Variants in TACR3 observed in about 807,000 individuals in gnomAD.
The protein encoded by TACR3 is tachykinin receptor 3.
A neutral mutation model predicts 35.0 loss-of-function variants in TACR3; 34 were observed. The ratio of observed to expected loss-of-function variants is 0.97; its 90% CI spans 0.74 to 1.30. The LOEUF (loss-of-function observed/expected upper bound fraction) is 1.30, where lower values mean the gene tolerates loss of function less well. Among genes scored for constraint, TACR3 ranks in the 50% most tolerant of loss-of-function variants. The pLI, the probability that TACR3 is intolerant of heterozygous loss-of-function variation, is 0.00. For missense variants in TACR3, 558 were observed against 591.7 expected, an observed-to-expected ratio of 0.94 and a Z score of 0.59; for synonymous variants, 233 against 221.1, an observed-to-expected ratio of 1.05 and a Z score of -0.48.
chr4:103,641,679 A>C (rs1323466021), intron 3 of TACR3, among the ~76,000 whole-genome samples: 1 of 151,994 alleles, frequency 6.6e-6, no homozygotes. Flanking sequence ...TGCAATTCCC[A>C]GTTTATTGCA....
intron 1 of TACR3, among the ~76,000 whole-genome samples, chr4:103,673,358 C>T (rs1234113655): frequency 1.3e-5 from 2 of 152,138 alleles, no homozygotes; most frequent in Non-Finnish European, 2.9e-5. Context: ...CATTGTGACT[C>T]TTTCATTTCA....
chr4:103,651,243 A>G (rs1431623472), intron 3 of TACR3, among the ~76,000 whole-genome samples: 1 of 151,134 alleles, frequency 6.6e-6, no homozygotes, highest in Admixed American at 6.6e-5. Context: ...CAAGAGTCAA[A>G]AACCTTAGAA....
At chr4:103,607,579 T>C (rs958127395) in intron 3 of TACR3, among the ~76,000 whole-genome samples, 4 of 152,256 alleles carry the variant, frequency 2.6e-5, no homozygotes, top group South Asian at 4.1e-4. Context: ...TTGAGCCATG[T>C]GATAATATAG....
chr4:103,622,597 C>T (rs531734646), intron 3 of TACR3, among the ~76,000 whole-genome samples: 2 of 152,186 alleles, frequency 1.3e-5, no homozygotes, highest in Admixed American at 6.5e-5. Context: ...GGCGTGGCAG[C>T]GTGTGCCTGT....
intron 3 of TACR3, among the ~76,000 whole-genome samples, chr4:103,635,186 A>C (rs1169456261): frequency 3.3e-5 from 5 of 152,008 alleles, no homozygotes; most frequent in Non-Finnish European, 7.4e-5. Context: ...AGTATGATTT[A>C]ATACTCTCAG....
chr4:103,640,227 C>T lies in TACR3; in HGVS notation c.888+15967G>A, dbSNP rs557909681. On this transcript the variant is annotated intron_variant, in intron 3 of 4. Coordinates refer to ENST00000304883, the MANE Select transcript of TACR3 (RefSeq NM_001059.3). ...TCTGACTCTGTAGTTTATGTTTGTC[C>T]CCATTATAAAATATTGCAAAGATAT... Among the ~76,000 whole-genome samples the T allele has an allele frequency of 3.3e-5, 5 of 152,018 alleles. No individual in the cohort carries two copies. The South Asian group carries it at 8.3e-4, about 25-fold the overall frequency.
chr4:103,623,979 C>T (rs72673105), intron 3 of TACR3, among the ~76,000 whole-genome samples: 3,930 of 152,228 alleles, frequency 0.026, 76 homozygotes, highest in Middle Eastern at 0.054. Context: ...TCTAGGTTAA[C>T]TGTGGCATAT....
intron 3 of TACR3, among the ~76,000 whole-genome samples, chr4:103,608,541 G>A (rs73835384): frequency 0.011 from 1,690 of 152,034 alleles, 35 homozygotes; most frequent in African/African-American, 0.039. Context: ...CATGTACCCC[G>A]TGAATCTGAA....
intron 1 of TACR3, among the ~76,000 whole-genome samples, chr4:103,693,606 A>G (rs1044268494): frequency 4.6e-5 from 7 of 152,040 alleles, no homozygotes; most frequent in Non-Finnish European, 8.8e-5. Context: ...CATCTTTTGC[A>G]TATTTGTATT....
In TACR3 at chr4:103,586,109, G is replaced by A. The variant is rs1026777475; in HGVS notation, c.*3573C>T. 6.6e-6 allele frequency: 1 copy of A among 151,114 alleles called. No homozygotes were observed. The highest frequency in any genetic ancestry group is 1.5e-5 in the Non-Finnish European group (1 of 67,816). The allele number at this position is 151,114 out of a possible 1,614,324, so 9.4% of individuals were successfully genotyped here. ...CTGTCACATTATCACATATGCAAAG[G>A]GTGTAAATACATTAAACATATTCAA... On this transcript the variant is annotated 3_prime_UTR_variant, in exon 5 of 5. Coordinates refer to ENST00000304883, the MANE Select transcript of TACR3 (RefSeq NM_001059.3).
intron 3 of TACR3, among the ~76,000 whole-genome samples, chr4:103,655,724 G>A (rs1310789167): frequency 1.3e-5 from 2 of 151,870 alleles, no homozygotes; most frequent in Non-Finnish European, 2.9e-5. Context: ...AAGTGAGAGA[G>A]AAATAAAAAG....
intron 1 of TACR3, among the ~76,000 whole-genome samples, chr4:103,664,446 T>G (rs3796956): frequency 0.42 from 64,631 of 152,082 alleles, 16,310 homozygotes; most frequent in African/African-American, 0.72. Context: ...TTCAAGTTTT[T>G]CAATGAAGAC....
intron 1 of TACR3, among the ~76,000 whole-genome samples, chr4:103,710,374 C>T (rs1019616103): frequency 6.6e-6 from 1 of 152,106 alleles, no homozygotes; most frequent in African/African-American, 2.4e-5. Context: ...TGCTCAAGTG[C>T]ATGGAAACTG....
At chr4:103,695,711 C>CTCTGTGTGTGTGTG (rs142176586) in intron 1 of TACR3, among the ~76,000 whole-genome samples, 6 of 146,094 alleles carry the variant, frequency 4.1e-5, no homozygotes, top group African/African-American at 1.5e-4. Context: ...GTCTCTCTCT[C>CTCTGTGTGTGTGTG]TGTGTGTGTG....
intron 3 of TACR3, among the ~76,000 whole-genome samples, chr4:103,629,169 C>G (rs1045592096): frequency 6.6e-6 from 1 of 152,054 alleles, no homozygotes; most frequent in African/African-American, 2.4e-5. Flanking sequence ...TATGACAAAC[C>G]CACAGCCAAT....
intron 1 of TACR3, among the ~76,000 whole-genome samples, chr4:103,697,425 T>C (rs1311512901): frequency 6.6e-6 from 1 of 151,154 alleles, no homozygotes; most frequent in Non-Finnish European, 1.5e-5. Flanking sequence ...TTTATTTATT[T>C]ATTTATTTAT....
chr4:103,658,156 T>G, intron 2 of TACR3, 59 bp downstream of exon 2: 1 of 1,525,988 alleles, frequency 6.6e-7, no homozygotes, highest in Non-Finnish European at 9.1e-7. Context: ...GCTCCTAATC[T>G]GTAGTTTCCT....
intron 3 of TACR3, among the ~76,000 whole-genome samples, chr4:103,626,267 TGGCTGA>T (rs1162385421): frequency 2.0e-5 from 3 of 152,212 alleles, no homozygotes; most frequent in Non-Finnish European, 1.5e-5. Context: ...GGTGCTTCTG[TGGCTGA>T]AATTACTAAT....
At chr4:103,650,299 C>G (rs757402754) in intron 3 of TACR3, among the ~76,000 whole-genome samples, 2 of 151,658 alleles carry the variant, frequency 1.3e-5, no homozygotes, top group Non-Finnish European at 2.9e-5. Flanking sequence ...ATAAAGCAAA[C>G]ACAGCACTGG....
Sources: allele counts gnomAD v4.1 joint callset (sites outside exome capture counted in the v4.1 genomes callset), GRCh38; gene constraint gnomAD v4.1.1; transcripts MANE v1.5; gene names NCBI Gene and HGNC (gene_info 2026-07-23, HGNC 2026-07-21).